Variants in DVL2 observed in about 807,000 individuals in gnomAD.
DVL2 encodes the protein segment polarity protein dishevelled homolog DVL-2.
Under a neutral mutation model 69.8 loss-of-function variants are expected in DVL2, and 38 were observed. The observed-to-expected ratio is 0.54, with a 90% CI of 0.42 to 0.71. DVL2 has a LOEUF of 0.71. Among genes scored for constraint, DVL2 ranks in the 30% least tolerant of loss-of-function variants. DVL2 has a pLI of 0.00. For missense variants in DVL2, 931 were observed against 1,008.1 expected, an observed-to-expected ratio of 0.92 and a Z score of 1.04; for synonymous variants, 428 against 392.4, an observed-to-expected ratio of 1.09 and a Z score of -1.07.
intron 1 of DVL2, 34 bp downstream of exon 1, chr17:7,234,034 AG>A (rs2071593599): frequency 6.2e-7 from 1 of 1,609,026 alleles, no homozygotes; most frequent in South Asian, 1.1e-5. Flanking sequence ...ACTCTAGCAA[AG>A]CCCCCGCCGG....
rs145391787 is a variant in DVL2, at chr17:7,227,405, C to T, written c.1362G>A (p.Leu454=). Residue 454 remains leucine, a splice_region_variant and synonymous_variant, in exon 12 of 15, where the codon CTG becomes CTA. Coordinates refer to ENST00000005340, the MANE Select transcript of DVL2 (RefSeq NM_004422.3). ...CACCTGCCCAGGACCCAGCCATACCCAGAAAGGCATTAGGGATGGTGATCT... is the reference window on the plus strand; with the variant it reads ...CACCTGCCCAGGACCCAGCCATACCTAGAAAGGCATTAGGGATGGTGATCT... The part of the protein sequence containing the change: ...WLKITIPNAF[L]GSDVVDWLYH... 3.1e-6 allele frequency: 5 copies of T among 1,613,724 alleles called. No homozygotes were observed. The highest frequency in any genetic ancestry group is 1.6e-4 in the Middle Eastern group (1 of 6,082).
rs1285573350 is a variant in DVL2, at chr17:7,234,219, T to C, written c.44A>G (p.Lys15Arg). 1 of 1,613,996 alleles carries C rather than the reference T, an allele frequency of 6.2e-7. No homozygotes were observed. The highest frequency in any genetic ancestry group is 8.5e-7 in the Non-Finnish European group (1 of 1,179,978). The change falls in exon 1 of 15, where the codon AAG becomes AGG. Residue 15 changes from lysine (K) to arginine (R), a missense_variant. Around this residue, in one of 3 missense-constraint regions of DVL2, gnomAD observed 555 missense variants for 588.8 expected, o/e 0.94. Transcript: ENST00000005340. ...TTCCTCATCCAGGTGGTAAATCACC[T>C]TCGTCTCCCCAACCCCACCGCCCCC... ...STGGGGVGET[K>R]VIYHLDEEET... is the part of the protein sequence containing the mutation.
chr17:7,229,311 C>T lies in DVL2; in HGVS notation c.818-37G>A, dbSNP rs1168644409. 8 of 1,613,090 alleles carry T rather than the reference C, an allele frequency of 5.0e-6. No homozygotes were observed. The highest frequency in any genetic ancestry group is 5.9e-6 in the Non-Finnish European group (7 of 1,179,542). On this transcript the variant is annotated intron_variant, in intron 7 of 14. Coordinates refer to ENST00000005340, the MANE Select transcript of DVL2 (RefSeq NM_004422.3). The surrounding 1 kb of genome is among the most constrained non-coding windows in gnomAD (Gnocchi z 4.4). ...GGCCATGTGAAAAGAGGAGCCCCTG[C>T]CACAGGACGCCCGGAACCCTAGAGA...
intron 10 of DVL2, 29 bp downstream of exon 10, chr17:7,227,948 C>G: frequency 1.3e-6 from 2 of 1,576,188 alleles, no homozygotes; most frequent in Non-Finnish European, 1.7e-6. Context: ...CCACCCCCAA[C>G]TTCAGGCCCC....
rs930397233 is a variant in DVL2 at position 7,234,169 on chromosome 17, G to A, written c.94C>T (p.Pro32Ser). The stretch of plus-strand genomic sequence containing the variant: ...AGGGTGATGCGCTCGGCGGGGACAG[G>A]GATCTTCACCAGGTAGGGAGTCTCT... Reference protein sequence around the residue: ...EEETPYLVKIPVPAERITLGD... With the variant: ...EEETPYLVKISVPAERITLGD... The change falls in exon 1 of 15, where the codon CCT (proline) becomes TCT (serine). Residue 32 changes from proline (P) to serine (S), a missense_variant. By Grantham distance (74) the Pro-to-Ser change is moderately conservative. This residue lies in a region of DVL2 where 555 missense variants were observed against 588.8 expected (regional missense o/e 0.94). Coordinates refer to ENST00000005340, the MANE Select transcript of DVL2 (RefSeq NM_004422.3). The A allele has an allele frequency of 1.9e-6, 3 of 1,613,928 alleles. No individual in the cohort carries two copies. The highest frequency in any genetic ancestry group is 1.6e-4 in the Middle Eastern group (1 of 6,082).
Position 7,227,098 on chromosome 17 carries a change from C to T in DVL2, c.1535G>A (p.Cys512Tyr). Reference sequence around the variant, plus strand: ...GGGGCAGGGGGACTTACAGCTCTCACAGCCACCACTGAGGTCTCCGAAGAC... The same window carrying T: ...GGGGCAGGGGGACTTACAGCTCTCATAGCCACCACTGAGGTCTCCGAAGAC... ...YYVFGDLSGGCESYLVNLSLN... is the reference protein window; with the variant it reads ...YYVFGDLSGGYESYLVNLSLN... Residue 512 changes from cysteine to tyrosine, a missense_variant, in exon 13 of 15, where the codon TGT becomes TAT. By Grantham distance (194) the Cys-to-Tyr change is radical. Around this residue, in one of 3 missense-constraint regions of DVL2, gnomAD observed 314 missense variants for 313.7 expected, o/e 1.00. Coordinates refer to ENST00000005340, the MANE Select transcript of DVL2 (RefSeq NM_004422.3). 3 of 1,607,778 alleles carry T rather than the reference C, an allele frequency of 1.9e-6. No homozygotes were observed. Among genetic ancestry groups the T allele is most frequent in the Non-Finnish European group, 2.5e-6 (3 of 1,176,934 alleles).
chr17:7,234,155 C>A lies in DVL2; in HGVS notation c.108G>T (p.Glu36Asp). 6.2e-7 allele frequency: 1 copy of A among 1,614,178 alleles called. No homozygotes were observed. The highest frequency in any genetic ancestry group is 8.5e-7 in the Non-Finnish European group (1 of 1,180,026). ...TCTTGAAATCGCCGAGGGTGATGCG[C>A]TCGGCGGGGACAGGGATCTTCACCA... is the stretch of plus-strand genomic sequence containing the variant. ...PYLVKIPVPA[E>D]RITLGDFKSV... The change falls in exon 1 of 15, where the codon GAG (glutamate) becomes GAT (aspartate). Residue 36 changes from glutamate (E) to aspartate (D), a missense_variant. Coordinates refer to ENST00000005340, the MANE Select transcript of DVL2 (RefSeq NM_004422.3).
rs1270913380 is a variant in DVL2, at chr17:7,227,231, C to G, written c.1402G>C (p.Gly468Arg). 1 of 1,613,402 alleles carries G rather than the reference C, an allele frequency of 6.2e-7. No individual in the cohort carries two copies. The highest frequency in any genetic ancestry group is 1.3e-5 in the African/African-American group (1 of 74,948). Residue 468 changes from glycine (G) to arginine (R), a missense_variant, in exon 13 of 15, where the codon GGC becomes CGC. This residue lies in a region of DVL2 where 62 missense variants were observed against 105.7 expected (regional missense o/e 0.59). Coordinates refer to ENST00000005340, the MANE Select transcript of DVL2 (RefSeq NM_004422.3). ...CGGGCCTCCCGCCGCTCAGGAAAGCCCTCCACGTGATGGTAGAGCCAGTCA... is the reference window on the plus strand; with the variant it reads ...CGGGCCTCCCGCCGCTCAGGAAAGCGCTCCACGTGATGGTAGAGCCAGTCA... ...VVDWLYHHVEGFPERREARKY... is the reference protein window; with the variant it reads ...VVDWLYHHVERFPERREARKY...
chr17:7,233,695 G>A (rs2071583819), intron 1 of DVL2, among the ~76,000 whole-genome samples: 1 of 152,092 alleles, frequency 6.6e-6, no homozygotes, highest in African/African-American at 2.4e-5. Context: ...TGATCCGCCC[G>A]CCTCAGCCTC....
Position 7,234,372 on chromosome 17 carries a change from C to T in DVL2, c.-110G>A. 7.9e-7 allele frequency: 1 copy of T among 1,271,650 alleles called. No homozygotes were observed. Among genetic ancestry groups the T allele is most frequent in the South Asian group, 1.4e-5 (1 of 70,360 alleles). The allele number at this position is 1,271,650 out of a possible 1,614,324, so 78.8% of individuals were successfully genotyped here. ...CGCGCGAGCGCGGACAGGACTGACC[C>T]AGTACGGGAGAGAAGCAAAGGGGAA... is the stretch of plus-strand genomic sequence containing the variant. On this transcript the variant is annotated 5_prime_UTR_variant, in exon 1 of 15. Coordinates refer to ENST00000005340, the MANE Select transcript of DVL2 (RefSeq NM_004422.3).
chr17:7,225,624 CTA>C lies in DVL2; in HGVS notation c.*239_*240del. On this transcript the variant is annotated 3_prime_UTR_variant, in exon 15 of 15. Transcript: ENST00000005340. ...AAAAGTCCCAAAAATGTAAGAAACT[CTA>C]TTTTAACCCCCAAAAAGGCTTATAA... is the stretch of plus-strand genomic sequence containing the variant. 3.6e-6 allele frequency: 2 copies of C among 549,814 alleles called. No homozygotes were observed. The highest frequency in any genetic ancestry group is 6.4e-6 in the Non-Finnish European group (2 of 312,462). 34.1% of individuals were successfully genotyped at this position (549,814 alleles called of 1,614,324 possible).
chr17:7,231,875 A>C lies in DVL2; in HGVS notation c.195-1078T>G, dbSNP rs577843541. Reference sequence around the variant, plus strand: ...ACTCCACCTCAGAAAAAAAAAAAAAAAAAAAAACCACCCATTGGATCAAAC... The same window carrying C: ...ACTCCACCTCAGAAAAAAAAAAAAACAAAAAAACCACCCATTGGATCAAAC... On this transcript the variant is annotated intron_variant, in intron 1 of 14. Transcript: ENST00000005340. 4.0e-3 allele frequency among the ~76,000 whole-genome samples: 610 copies of C among 151,894 alleles called. 3 individuals are homozygous for C. Among genetic ancestry groups the C allele is most frequent in the Admixed American group, 6.8e-3 (104 of 15,270 alleles).
In DVL2 at chr17:7,234,293, G is replaced by T. The variant is rs373538561; in HGVS notation, c.-31C>A. ...CGCCCGCGCGCTCCCGGGCTCCACCGCCCACCCAAAGGGCTAATGGCCCCT... is the reference window on the plus strand; with the variant it reads ...CGCCCGCGCGCTCCCGGGCTCCACCTCCCACCCAAAGGGCTAATGGCCCCT... On this transcript the variant is annotated 5_prime_UTR_variant, in exon 1 of 15. Transcript: ENST00000005340. 2.7e-6 allele frequency: 4 copies of T among 1,506,600 alleles called. No homozygotes were observed. Among genetic ancestry groups the T allele is most frequent in the African/African-American group, 1.4e-5 (1 of 69,886 alleles). 93.3% of individuals were successfully genotyped at this position (1,506,600 alleles called of 1,614,324 possible).
intron 2 of DVL2, 44 bp downstream of exon 2, chr17:7,230,684 G>C (rs1272490310): frequency 1.3e-6 from 2 of 1,566,548 alleles, no homozygotes; most frequent in Admixed American, 3.5e-5. Context: ...GAGGGAGCTT[G>C]GCAATGCTGA....
At chr17:7,227,895 T>A (rs930224652) in intron 10 of DVL2, 82 bp downstream of exon 10, 6 of 1,560,786 alleles carry the variant, frequency 3.8e-6, no homozygotes, top group Non-Finnish European at 5.2e-6. Context: ...CTCCCACCCA[T>A]TCCCCATGAC....
Position 7,225,902 on chromosome 17 carries a change from A to G in DVL2, c.2174T>C (p.Met725Thr), listed in dbSNP as rs767490193. Reference protein sequence around the residue: ...TASRQSFHMAMGNPSEFFVDV... With the variant: ...TASRQSFHMATGNPSEFFVDV... ...CACAAAGAACTCGCTGGGATTGCCC[A>G]TGGCCATGTGGAAGCTTTGGCGGCT... is the stretch of plus-strand genomic sequence containing the variant. The change falls in exon 15 of 15, where the codon ATG becomes ACG. Residue 725 changes from methionine (M) to threonine (T), a missense_variant. Physicochemically the swap from Met to Thr is moderately conservative, Grantham distance 81 (BLOSUM62 -1). Around this residue, in one of 3 missense-constraint regions of DVL2, gnomAD observed 314 missense variants for 313.7 expected, o/e 1.00. Transcript: ENST00000005340. 1.7e-5 allele frequency: 28 copies of G among 1,613,930 alleles called. No individual in the cohort carries two copies. The highest frequency in any genetic ancestry group is 2.4e-5 in the Non-Finnish European group (28 of 1,180,030).
In DVL2 at chr17:7,229,414, T is replaced by C. The variant is rs1213733089; in HGVS notation, c.781A>G (p.Met261Val). 8 of 1,613,744 alleles carry C rather than the reference T, an allele frequency of 5.0e-6. No individual in the cohort carries two copies. The highest frequency in any genetic ancestry group is 4.5e-5 in the East Asian group (2 of 44,886). Reference protein sequence around the residue: ...SSFSSVTDSTMSLNIITVTLN... With the variant: ...SSFSSVTDSTVSLNIITVTLN... The stretch of plus-strand genomic sequence containing the variant: ...GTGACTGTGATGATATTGAGAGACA[T>C]TGTGGAATCTGTGACGCTGCTGAAG... The change falls in exon 7 of 15, where the codon ATG (methionine) becomes GTG (valine). Residue 261 changes from methionine to valine, a missense_variant. Physicochemically the swap from Met to Val is conservative, Grantham distance 21. Transcript: ENST00000005340. This position sits in a 1 kb window ranked among gnomAD's most constrained non-coding sequence, Gnocchi z 4.4.
rs1264988936 is a variant in DVL2 at position 7,230,765 on chromosome 17, G to T, written c.227C>A (p.Ala76Asp). The T allele has an allele frequency of 6.2e-7, 1 of 1,613,622 alleles. No individual in the cohort carries two copies. Among genetic ancestry groups the T allele is most frequent in the South Asian group, 1.1e-5 (1 of 91,062 alleles). The change falls in exon 2 of 15, where the codon GCC becomes GAC. Residue 76 changes from alanine (A) to aspartate (D), a missense_variant. Physicochemically the swap from Ala to Asp is moderately radical, Grantham distance 126 (BLOSUM62 -2). Around this residue, in one of 3 missense-constraint regions of DVL2, gnomAD observed 555 missense variants for 588.8 expected, o/e 0.94. Transcript: ENST00000005340. ...CCTTCCGTTGAAGCAGGGGAGGCGG[G>T]CGTTGTCATCTGAAATTTCTTCCTT... The part of the protein sequence containing the change: ...VVKEEISDDN[A>D]RLPCFNGRVV...
rs2071426319 is a variant in DVL2, at chr17:7,225,411, C to G, written c.*454G>C. 4.3e-6 allele frequency: 2 copies of G among 462,966 alleles called. No homozygotes were observed. Among genetic ancestry groups the G allele is most frequent in the South Asian group, 4.3e-5 (2 of 46,148 alleles). The allele number at this position is 462,966 out of a possible 1,614,324, so 28.7% of individuals were successfully genotyped here. ...AAAATAAATAGAGTAACAAAGGCAG[C>G]TACATGGCCCAAATCTCCCAGCTTC... is the stretch of plus-strand genomic sequence containing the variant. On this transcript the variant is annotated 3_prime_UTR_variant, in exon 15 of 15. Coordinates refer to ENST00000005340, the MANE Select transcript of DVL2 (RefSeq NM_004422.3).
Sources: allele counts gnomAD v4.1 joint callset (sites outside exome capture counted in the v4.1 genomes callset), GRCh38; gene constraint gnomAD v4.1.1; regional missense constraint gnomAD v4.1.1; non-coding constraint Gnocchi (gnomAD v3.1); transcripts MANE v1.5; gene names NCBI Gene and HGNC (gene_info 2026-07-23, HGNC 2026-07-21).